Variants in ARHGAP44 observed in about 807,000 individuals in gnomAD.
ARHGAP44 encodes Rho GTPase activating protein 44.
Under a neutral mutation model 106.8 loss-of-function variants are expected in ARHGAP44, and 43 were observed. That is an observed-to-expected ratio of 0.40 (90% CI 0.32 to 0.52). The LOEUF (loss-of-function observed/expected upper bound fraction) is 0.52. Among genes scored for constraint, ARHGAP44 ranks in the 20% least tolerant of loss-of-function variants. ARHGAP44 has a pLI of 0.48. For missense variants in ARHGAP44, 866 were observed against 1,050.5 expected, an observed-to-expected ratio of 0.82 and a Z score of 2.43; for synonymous variants, 439 against 410.3, an observed-to-expected ratio of 1.07 and a Z score of -0.85.
chr17:12,808,530 G>A (rs536911633), intron 1 of ARHGAP44, among the ~76,000 whole-genome samples: 9 of 152,298 alleles, frequency 5.9e-5, no homozygotes, highest in Admixed American at 2.0e-4. Flanking sequence ...CAAGGCATAG[G>A]GCTTGCATCC....
chr17:12,897,132 C>G (rs550133057), intron 3 of ARHGAP44, among the ~76,000 whole-genome samples: 3 of 152,328 alleles, frequency 2.0e-5, no homozygotes, highest in African/African-American at 7.2e-5. Context: ...GACCCCATCC[C>G]TCTCAGCCCC....
chr17:12,823,365 T>G (rs2034828087), intron 1 of ARHGAP44, among the ~76,000 whole-genome samples: 1 of 152,152 alleles, frequency 6.6e-6, no homozygotes, highest in Non-Finnish European at 1.5e-5. Context: ...ACGATAGTAT[T>G]TCTTTCCTTT....
chr17:12,820,783 T>C (rs2034746581), intron 1 of ARHGAP44, among the ~76,000 whole-genome samples: 1 of 152,172 alleles, frequency 6.6e-6, no homozygotes, highest in South Asian at 2.1e-4. Context: ...AGAGATTTTA[T>C]GTTATCCCAG....
chr17:12,905,429 CTG>C, intron 3 of ARHGAP44, among the ~76,000 whole-genome samples: 1 of 152,250 alleles, frequency 6.6e-6, no homozygotes, highest in Non-Finnish European at 1.5e-5. Context: ...TAGCTTCAAA[CTG>C]TGTTTTCCAG....
intron 1 of ARHGAP44, among the ~76,000 whole-genome samples, chr17:12,807,267 CTG>C (rs772147419): frequency 4.6e-5 from 7 of 152,098 alleles, no homozygotes; most frequent in Non-Finnish European, 7.4e-5. Flanking sequence ...TCCTCAGTGA[CTG>C]TGAATTGCCA....
intron 1 of ARHGAP44, among the ~76,000 whole-genome samples, chr17:12,894,516 G>A (rs1249306525): frequency 6.6e-6 from 1 of 152,126 alleles, no homozygotes; most frequent in Non-Finnish European, 1.5e-5. Context: ...CGTGGTGGTG[G>A]CATTTGCATT....
chr17:12,819,913 A>G (rs2034715019), intron 1 of ARHGAP44, among the ~76,000 whole-genome samples: 1 of 151,910 alleles, frequency 6.6e-6, no homozygotes, highest in African/African-American at 2.4e-5. Context: ...TTTAATTTTG[A>G]CCAAGTTCAA....
intron 1 of ARHGAP44, among the ~76,000 whole-genome samples, chr17:12,865,629 A>T (rs966673435): frequency 1.3e-5 from 2 of 152,088 alleles, no homozygotes; most frequent in Non-Finnish European, 2.9e-5. Context: ...CTCTACTAAA[A>T]ATACAAAAAA....
intron 1 of ARHGAP44, among the ~76,000 whole-genome samples, chr17:12,868,087 C>T (rs111699831): frequency 1.4e-4 from 22 of 152,160 alleles, no homozygotes; most frequent in African/African-American, 5.1e-4. Flanking sequence ...AGACTGAGAG[C>T]GTTGTGCTAC....
chr17:12,910,710 T>C (rs2150942384), intron 4 of ARHGAP44, among the ~76,000 whole-genome samples: 1 of 152,150 alleles, frequency 6.6e-6, no homozygotes, highest in East Asian at 1.9e-4. Flanking sequence ...CCTCCCAAAG[T>C]ACTGGGATTA....
intron 1 of ARHGAP44, among the ~76,000 whole-genome samples, chr17:12,863,160 A>T (rs1011011809): frequency 4.0e-5 from 6 of 151,892 alleles, no homozygotes; most frequent in South Asian, 2.1e-4. Context: ...AAATAATTTT[A>T]AAAAATTAAA....
chr17:12,894,834 C>T (rs1391299956), intron 1 of ARHGAP44, 106 bp from the exon 2 acceptor site: 3 of 1,000,828 alleles, frequency 3.0e-6, no homozygotes, highest in East Asian at 2.7e-5. Flanking sequence ...TTCTACTACT[C>T]ATGTCTCTGT....
At chr17:12,802,927 T>TTATATATATATATATATA (rs1159214788) in intron 1 of ARHGAP44, among the ~76,000 whole-genome samples, 4 of 29,234 alleles carry the variant, frequency 1.4e-4, no homozygotes, top group Non-Finnish European at 2.4e-4. Flanking sequence ...CCTGGCTAAT[T>TTATATATATATATATATA]TATATATATA....
chr17:12,835,585 A>G (rs1342436013), intron 1 of ARHGAP44, among the ~76,000 whole-genome samples: 2 of 151,374 alleles, frequency 1.3e-5, no homozygotes, highest in African/African-American at 4.9e-5. Flanking sequence ...TCGTGTTTTT[A>G]CCGTGGTTAC....
rs1487260325 is a variant in ARHGAP44 at position 12,958,111 on chromosome 17, C to T, written c.1343-606C>T. On this transcript the variant is annotated intron_variant, in intron 15 of 20. Coordinates refer to ENST00000379672, the MANE Select transcript of ARHGAP44 (RefSeq NM_014859.6). The surrounding 1 kb of genome is among the most constrained non-coding windows in gnomAD (Gnocchi z 4.1). ...CTAATTCATTACCACTGCACACAGA[C>T]AGAATTGTGCAGAGCTAATTTATTC... Among the ~76,000 whole-genome samples, 1 of 152,168 alleles carries T rather than the reference C, an allele frequency of 6.6e-6. No homozygotes were observed. The highest frequency in any genetic ancestry group is 1.9e-4 in the East Asian group (1 of 5,198).
chr17:12,943,934 C>T, intron 9 of ARHGAP44, 135 bp from the exon 10 acceptor site: 1 of 1,272,750 alleles, frequency 7.9e-7, no homozygotes, highest in Non-Finnish European at 1.1e-6. Context: ...TCCTTAAAAC[C>T]ACAGAATGGA....
chr17:12,948,723 T>TACACATACAC (rs1555562028), intron 10 of ARHGAP44, among the ~76,000 whole-genome samples: 2 of 29,310 alleles, frequency 6.8e-5, no homozygotes, highest in Non-Finnish European at 6.7e-5. Context: ...CCAACACACA[T>TACACATACAC]ACACACACAC....
chr17:12,987,212 C>T, intron 20 of ARHGAP44: 1 of 1,430,558 alleles, frequency 7.0e-7, no homozygotes, highest in East Asian at 2.5e-5. Context: ...GCTGCCCGCT[C>T]CTCCCCTCCG....
rs34860101 is a variant in ARHGAP44, at chr17:12,828,636, CTTT to C, written c.53+38765_53+38767del. On this transcript the variant is annotated intron_variant, in intron 1 of 20. Coordinates refer to ENST00000379672, the MANE Select transcript of ARHGAP44 (RefSeq NM_014859.6). Reference sequence around the variant, plus strand: ...TTTTCTTTTGGATTTTTTTTTCTTTCTTTTTTTTTTTTTTTTTTTTTTAAAGAC... The same window carrying C: ...TTTTCTTTTGGATTTTTTTTTCTTTCTTTTTTTTTTTTTTTTTTTAAAGAC... Among the ~76,000 whole-genome samples, 32 of 93,264 alleles carry C rather than the reference CTTT, an allele frequency of 3.4e-4. 1 individual carries two copies. The highest frequency in any genetic ancestry group is 7.3e-4 in the Admixed American group (6 of 8,258). 61.2% of individuals were successfully genotyped at this position (93,264 alleles called of 152,430 possible).
Sources: gnomAD v4.1 joint callset for allele counts (sites outside exome capture counted in the v4.1 genomes callset) on GRCh38, gnomAD v4.1.1 for gene constraint, Gnocchi (gnomAD v3.1) non-coding constraint, MANE v1.5 for transcripts, NCBI Gene and HGNC (gene_info 2026-07-23, HGNC 2026-07-21) for gene names.